Variants in RAPH1 observed in about 807,000 individuals in gnomAD.
RAPH1 encodes the protein Ras association (RalGDS/AF-6) and pleckstrin homology domains 1, also known as ras-associated and pleckstrin homology domains-containing protein 1.
A neutral mutation model predicts 88.1 loss-of-function variants in RAPH1; 18 were observed. That is an observed-to-expected ratio of 0.20 (90% confidence interval 0.14 to 0.30). The LOEUF is 0.30. RAPH1 is among the 10% of genes least tolerant of loss of function. The pLI, the probability that RAPH1 is intolerant of heterozygous loss-of-function variation, is 1.00. For missense variants in RAPH1, 1,448 were observed against 1,543.2 expected (o/e 0.94, Z 1.03); for synonymous variants, 587 against 559.0 (o/e 1.05, Z -0.71).
intron 1 of RAPH1, among the ~76,000 whole-genome samples, chr2:203,507,766 C>G (rs1373480967): frequency 6.6e-6 from 1 of 152,080 alleles, no homozygotes; most frequent in Non-Finnish European, 1.5e-5. Flanking sequence ...GGATCTTAGA[C>G]CCAGGGAAAA....
chr2:203,437,371 A>G lies in RAPH1; in HGVS notation c.*2066T>C, dbSNP rs944323138. On this transcript the variant is annotated 3_prime_UTR_variant, in exon 14 of 14. Transcript: ENST00000319170. ...ATATTCTTACTAACTCTAACCCACA[A>G]ATATGGGTGCCCCTCAAACTATAAA... The G allele has an allele frequency of 2.0e-5, 3 of 152,180 alleles. No homozygotes were observed. The highest frequency in any genetic ancestry group is 4.4e-5 in the Non-Finnish European group (3 of 68,032). The allele number at this position is 152,180 out of a possible 1,614,324, so 9.4% of individuals were successfully genotyped here.
At position 203,440,847 on chromosome 2, in the gene RAPH1, G is replaced by A; in HGVS notation, c.2343C>T (p.Pro781=). Residue 781 remains proline (P), a synonymous_variant, in exon 14 of 14, where the codon CCC becomes CCT. Coordinates refer to ENST00000319170, the MANE Select transcript of RAPH1 (RefSeq NM_213589.3). ...APLPPQAPPK[P]LVTIPAPTST... is the part of the protein sequence containing the mutation. ...TGGTTGGTGCGGGGATGGTCACAAG[G>A]GGTTTTGGGGGAGCTTGGGGAGGGA... is the stretch of plus-strand genomic sequence containing the variant. The A allele has an allele frequency of 6.4e-7, 1 of 1,560,414 alleles. No homozygotes were observed.
intron 4 of RAPH1, among the ~76,000 whole-genome samples, chr2:203,482,786 G>C (rs1687785900): frequency 6.6e-6 from 1 of 151,662 alleles, no homozygotes. Context: ...CTGGGTGACA[G>C]AACGAGAATC....
intron 1 of RAPH1, among the ~76,000 whole-genome samples, chr2:203,514,339 T>A (rs1309099663): frequency 6.6e-6 from 1 of 152,240 alleles, no homozygotes; most frequent in East Asian, 1.9e-4. Flanking sequence ...GACTTCTAAT[T>A]TAATACTTTT....
chr2:203,526,419 C>T (rs984129496), intron 1 of RAPH1, among the ~76,000 whole-genome samples: 1 of 152,078 alleles, frequency 6.6e-6, no homozygotes, highest in Non-Finnish European at 1.5e-5. Flanking sequence ...TTTAAGATGA[C>T]TTCATATAAG....
At chr2:203,470,978 T>G (rs2098532534) in intron 4 of RAPH1, among the ~76,000 whole-genome samples, 1 of 152,246 alleles carries the variant, frequency 6.6e-6, no homozygotes, top group Non-Finnish European at 1.5e-5. Flanking sequence ...GTCACACACT[T>G]AAATTAATTC....
chr2:203,496,866 T>C (rs1024620803), intron 1 of RAPH1, among the ~76,000 whole-genome samples: 19 of 152,220 alleles, frequency 1.2e-4, no homozygotes, highest in African/African-American at 2.9e-4. Flanking sequence ...AATTTTGTTA[T>C]GGTAGATCTA....
At chr2:203,461,633 G>A (rs2098524306) in intron 5 of RAPH1, among the ~76,000 whole-genome samples, 1 of 152,056 alleles carries the variant, frequency 6.6e-6, no homozygotes, top group African/African-American at 2.4e-5. Flanking sequence ...ATAATGTTAT[G>A]ATTACTCCTT....
chr2:203,451,729 CT>C (rs1469507534), intron 10 of RAPH1, among the ~76,000 whole-genome samples: 4 of 152,202 alleles, frequency 2.6e-5, no homozygotes, highest in Non-Finnish European at 5.9e-5. Flanking sequence ...GTGCAGGCCC[CT>C]ATGGCTATCT....
chr2:203,494,416 C>T (rs1388647661), intron 2 of RAPH1, among the ~76,000 whole-genome samples: 1 of 152,064 alleles, frequency 6.6e-6, no homozygotes, highest in Non-Finnish European at 1.5e-5. Context: ...TCTTTAAAAA[C>T]CCAAGATCGA....
chr2:203,482,183 T>C (rs1360256984), intron 4 of RAPH1, among the ~76,000 whole-genome samples: 4 of 152,060 alleles, frequency 2.6e-5, no homozygotes, highest in Admixed American at 2.0e-4. Context: ...CCTATTCCTT[T>C]ATTTTATTTT....
At chr2:203,486,256 T>C (rs1687967309) in intron 4 of RAPH1, among the ~76,000 whole-genome samples, 1 of 152,222 alleles carries the variant, frequency 6.6e-6, no homozygotes, top group African/African-American at 2.4e-5. Flanking sequence ...TAAACATATA[T>C]TCATTCCAGT....
chr2:203,476,782 T>C (rs1302692648), intron 4 of RAPH1, among the ~76,000 whole-genome samples: 1 of 152,212 alleles, frequency 6.6e-6, no homozygotes, highest in Non-Finnish European at 1.5e-5. Flanking sequence ...TTTGTTAGTA[T>C]CTTAAGAAAT....
At chr2:203,529,895 A>G (rs1425107054) in intron 1 of RAPH1, among the ~76,000 whole-genome samples, 1 of 151,344 alleles carries the variant, frequency 6.6e-6, no homozygotes, top group Non-Finnish European at 1.5e-5. Flanking sequence ...CCCATTTTCA[A>G]CTCAAAGACC....
At chr2:203,472,127 CTT>C (rs531692694) in intron 4 of RAPH1, among the ~76,000 whole-genome samples, 10 of 140,670 alleles carry the variant, frequency 7.1e-5, no homozygotes, top group Admixed American at 1.4e-4. Context: ...TTCTTTAGTT[CTT>C]TTTTTTTTTT....
intron 1 of RAPH1, among the ~76,000 whole-genome samples, chr2:203,509,064 T>C (rs1054575285): frequency 7.4e-6 from 1 of 136,006 alleles, no homozygotes; most frequent in Non-Finnish European, 1.6e-5. Context: ...ATTTAAAAAA[T>C]AATTTTTTTT....
At position 203,439,255 on chromosome 2, in the gene RAPH1, A is replaced by G; in HGVS notation, c.*182T>C. On this transcript the variant is annotated 3_prime_UTR_variant, in exon 14 of 14. Transcript: ENST00000319170. ...CACATACACATACATATATGTATAC[A>G]TATATACACACACTGTACAGCTGTG... The G allele has an allele frequency of 1.7e-6, 1 of 590,478 alleles. No homozygotes were observed. The allele number at this position is 590,478 out of a possible 1,614,324, so 36.6% of individuals were successfully genotyped here.
At chr2:203,475,469 T>G (rs1158747930) in intron 4 of RAPH1, among the ~76,000 whole-genome samples, 3 of 152,142 alleles carry the variant, frequency 2.0e-5, no homozygotes, top group Non-Finnish European at 4.4e-5. Flanking sequence ...AAATCAGATA[T>G]CAAATGATTT....
intron 4 of RAPH1, among the ~76,000 whole-genome samples, chr2:203,486,250 C>T (rs544487466): frequency 1.5e-3 from 235 of 152,252 alleles, no homozygotes; most frequent in South Asian, 0.011. Flanking sequence ...TATTTTTAAA[C>T]ATATATTCAT....
Sources: allele counts gnomAD v4.1 joint callset (sites outside exome capture counted in the v4.1 genomes callset), GRCh38; gene constraint gnomAD v4.1.1; transcripts MANE v1.5; gene names NCBI Gene and HGNC (gene_info 2026-07-23, HGNC 2026-07-21).